FAM120B: variants seen among roughly 807,000 people sequenced by gnomAD.
FAM120B encodes family with sequence similarity 120 member B.
A neutral mutation model predicts 96.3 loss-of-function variants in FAM120B; 83 were observed. The observed-to-expected ratio is 0.86, with a 90% CI of 0.72 to 1.03. FAM120B has a LOEUF of 1.03. Ranked by LOEUF, FAM120B falls within the 50% of genes least tolerant of loss-of-function variation. The pLI, the probability that FAM120B is intolerant of heterozygous loss-of-function variation, is 0.00. For missense variants in FAM120B, 1,027 were observed against 1,121.2 expected (o/e 0.92, Z 1.20); for synonymous variants, 407 against 402.7 (o/e 1.01, Z -0.13).
At chr6:170,334,408 A>G (rs771588018) in intron 4 of FAM120B, among the ~76,000 whole-genome samples, 22 of 152,254 alleles carry the variant, frequency 1.4e-4, no homozygotes, top group Non-Finnish European at 2.9e-4. Context: ...GTCATTTGCT[A>G]TCAAACAGTT....
At chr6:170,375,340 C>T (rs910802641) in intron 6 of FAM120B, among the ~76,000 whole-genome samples, 9 of 152,152 alleles carry the variant, frequency 5.9e-5, no homozygotes, top group African/African-American at 1.7e-4. Context: ...TGACTGTTGG[C>T]AAAACACAGT....
intron 6 of FAM120B, among the ~76,000 whole-genome samples, chr6:170,361,848 C>T (rs1157035828): frequency 6.6e-6 from 1 of 152,146 alleles, no homozygotes; most frequent in African/African-American, 2.4e-5. Context: ...GGCTGGAGTG[C>T]AGTGACGTGA....
intron 4 of FAM120B, among the ~76,000 whole-genome samples, chr6:170,333,824 A>G (rs1408220317): frequency 6.6e-6 from 1 of 152,212 alleles, no homozygotes; most frequent in Non-Finnish European, 1.5e-5. Flanking sequence ...GGGAGCATGT[A>G]TATAGGATAT....
intron 3 of FAM120B, among the ~76,000 whole-genome samples, chr6:170,324,365 GA>G (rs1173682042): frequency 6.6e-6 from 1 of 152,196 alleles, no homozygotes; most frequent in Non-Finnish European, 1.5e-5. Flanking sequence ...ACATGAGAAA[GA>G]TGTTTAAGCT....
At chr6:170,388,720 T>C (rs759877413) in intron 7 of FAM120B, among the ~76,000 whole-genome samples, 13 of 152,226 alleles carry the variant, frequency 8.5e-5, no homozygotes, top group Non-Finnish European at 1.5e-4. Context: ...GTTTTGGATT[T>C]TGAATGTTTT....
At position 170,388,488 on chromosome 6, in the gene FAM120B, C is replaced by T. The variant is rs764747117; in HGVS notation, c.2485C>T (p.Gln829Ter). Residue 829 changes from glutamine to a stop codon, truncating the protein, a stop_gained, in exon 7 of 11, where the codon CAA (glutamine) becomes TAA (stop). Coordinates refer to ENST00000476287, the MANE Select transcript of FAM120B (RefSeq NM_032448.3). LOFTEE classifies it high-confidence loss of function. Reference sequence around the variant, plus strand: ...TTATGCTGTGGAGGTTCTTTTAGAACAAAATGTGAGTTCACAGACACCTAC... The same window carrying T: ...TTATGCTGTGGAGGTTCTTTTAGAATAAAATGTGAGTTCACAGACACCTAC... ...KGYAVEVLLE[Q>*]NRSRLTKFHN... 6.2e-7 allele frequency: 1 copy of T among 1,613,868 alleles called. No individual in the cohort carries two copies. Among genetic ancestry groups the T allele is most frequent in the Non-Finnish European group, 8.5e-7 (1 of 1,179,780 alleles).
upstream of FAM120B, among the ~76,000 whole-genome samples, chr6:170,292,571 A>G (rs1354908927): frequency 6.6e-6 from 1 of 152,212 alleles, no homozygotes; most frequent in Non-Finnish European, 1.5e-5. The surrounding 1 kb of genome is among the most constrained non-coding windows in gnomAD (Gnocchi z 6.6). Flanking sequence ...GGGCACCGTC[A>G]AGGTAGAACG....
intron 1 of FAM120B, among the ~76,000 whole-genome samples, chr6:170,311,133 A>G (rs1281010460): frequency 3.3e-5 from 5 of 152,242 alleles, no homozygotes; most frequent in Admixed American, 2.0e-4. Flanking sequence ...CTGGTTCACG[A>G]TGGACCATCT....
At chr6:170,317,110 C>A (rs1583187262) in intron 1 of FAM120B, among the ~76,000 whole-genome samples, 1 of 152,178 alleles carries the variant, frequency 6.6e-6, no homozygotes, top group South Asian at 2.1e-4. Context: ...GAATGATAAT[C>A]TTAGTGAAAA....
chr6:170,357,908 C>T (rs1203796920), intron 5 of FAM120B, among the ~76,000 whole-genome samples: 1 of 152,250 alleles, frequency 6.6e-6, no homozygotes, highest in East Asian at 1.9e-4. Context: ...CACCTGCATA[C>T]TGTCTGCTGC....
chr6:170,290,913 TG>T (rs1325443562), upstream of FAM120B: 2 of 695,206 alleles, frequency 2.9e-6, no homozygotes, highest in Non-Finnish European at 5.2e-6. The surrounding 1 kb of genome is among the most constrained non-coding windows in gnomAD (Gnocchi z 4.7). Flanking sequence ...TCTCCGCGGG[TG>T]CGCGCAGAGG....
At chr6:170,344,529 C>T (rs539813097) in intron 4 of FAM120B, among the ~76,000 whole-genome samples, 68 of 149,864 alleles carry the variant, frequency 4.5e-4, no homozygotes, top group African/African-American at 1.6e-3. Context: ...CGGATGAAAT[C>T]GTTCAGTCCA....
At position 170,402,473 on chromosome 6, in the gene FAM120B, C is replaced by T. The variant is rs201963165; in HGVS notation, c.2693-2077C>T. Among the ~76,000 whole-genome samples, 7 of 152,338 alleles carry T rather than the reference C, an allele frequency of 4.6e-5. No individual in the cohort carries two copies. The East Asian group carries it at 5.8e-4, about 13-fold the overall frequency. ...GCTCTTCCTGACCCAGAAAGGAGCA[C>T]GGAGGAGATGTGAGCAGTGGGCACA... On this transcript the variant is annotated intron_variant, in intron 9 of 10. Coordinates refer to ENST00000476287, the MANE Select transcript of FAM120B (RefSeq NM_032448.3).
chr6:170,346,231 CAG>C (rs549966324), intron 4 of FAM120B, among the ~76,000 whole-genome samples: 43 of 151,546 alleles, frequency 2.8e-4, no homozygotes, highest in South Asian at 1.0e-3. Context: ...CAATGAAACA[CAG>C]GTAAAATCTT....
intron 4 of FAM120B, among the ~76,000 whole-genome samples, chr6:170,346,280 G>A (rs1187074971): frequency 1.3e-5 from 2 of 151,890 alleles, no homozygotes; most frequent in Non-Finnish European, 1.5e-5. Flanking sequence ...ATGGGGACAT[G>A]ACCTTTCAGC....
chr6:170,301,365 G>T (rs999879023), intron 1 of FAM120B, among the ~76,000 whole-genome samples: 1 of 152,170 alleles, frequency 6.6e-6, no homozygotes, highest in Non-Finnish European at 1.5e-5. Flanking sequence ...ACACAGAAAG[G>T]GGGGGCCTGG....
At chr6:170,393,009 G>A (rs1313989390) in intron 8 of FAM120B, among the ~76,000 whole-genome samples, 2 of 152,164 alleles carry the variant, frequency 1.3e-5, no homozygotes, top group Admixed American at 6.5e-5. Flanking sequence ...TTACCTGGTT[G>A]GCAGTAGGTC....
intron 3 of FAM120B, among the ~76,000 whole-genome samples, chr6:170,329,020 A>C (rs979317067): frequency 2.0e-4 from 30 of 149,684 alleles, no homozygotes; most frequent in Non-Finnish European, 3.4e-4. Context: ...AGGTCTCTTC[A>C]TGTTTGCTGG....
intron 6 of FAM120B, among the ~76,000 whole-genome samples, chr6:170,383,333 CAAA>C (rs1790020156): frequency 6.6e-6 from 1 of 152,046 alleles, no homozygotes; most frequent in Non-Finnish European, 1.5e-5. Context: ...ATTTTAAATT[CAAA>C]ATTAAAAATG....
Sources: allele counts gnomAD v4.1 joint callset (sites outside exome capture counted in the v4.1 genomes callset), GRCh38; gene constraint gnomAD v4.1.1; non-coding constraint Gnocchi (gnomAD v3.1); transcripts MANE v1.5; gene names NCBI Gene and HGNC (gene_info 2026-07-23, HGNC 2026-07-21).